The following SLC7A9 variants were observed in gnomAD, a reference collection of about 807,000 sequenced individuals.
The protein encoded by SLC7A9 is B(0,+)-type amino acid transporter 1.
Under a neutral mutation model 54.1 loss-of-function variants are expected in SLC7A9, and 38 were observed. That is an observed-to-expected ratio of 0.70 (90% CI 0.54 to 0.92). The LOEUF (loss-of-function observed/expected upper bound fraction) is 0.92, where lower values mean the gene tolerates loss of function less well. Ranked by LOEUF, SLC7A9 falls within the 40% of genes least tolerant of loss-of-function variation. The pLI is 0.00. For missense variants in SLC7A9, 537 were observed against 636.1 expected (o/e 0.84, Z 1.68); for synonymous variants, 264 against 258.9 (o/e 1.02, Z -0.19).
At chr19:32,846,546 C>A (rs2145817673) in intron 9 of SLC7A9, among the ~76,000 whole-genome samples, 1 of 152,346 alleles carries the variant, frequency 6.6e-6, no homozygotes, top group South Asian at 2.1e-4. Flanking sequence ...GAGCCCACCA[C>A]AGCTCAAGGA....
chr19:32,860,287 T>C, intron 7 of SLC7A9: 3 of 1,394,500 alleles, frequency 2.2e-6, no homozygotes, highest in Non-Finnish European at 2.8e-6. Context: ...CCGGGTGCAG[T>C]GGCTCACACC....
intron 9 of SLC7A9, among the ~76,000 whole-genome samples, chr19:32,852,686 G>A (rs1016661549): frequency 6.6e-6 from 1 of 152,104 alleles, no homozygotes; most frequent in African/African-American, 2.4e-5. Flanking sequence ...GATGGGAGTT[G>A]ATTAATGGAA....
At chr19:32,868,245 A>G (rs1408501035) in intron 2 of SLC7A9, among the ~76,000 whole-genome samples, 1 of 151,666 alleles carries the variant, frequency 6.6e-6, no homozygotes, top group East Asian at 1.9e-4. Flanking sequence ...AAAAAAAAAA[A>G]AAAAAGAAGA....
chr19:32,846,892 C>T (rs1968314771), intron 9 of SLC7A9, among the ~76,000 whole-genome samples: 2 of 152,244 alleles, frequency 1.3e-5, no homozygotes, highest in African/African-American at 4.8e-5. Flanking sequence ...CACTGCTGTT[C>T]TGCAGCCACT....
At chr19:32,847,168 G>A (rs1302989701) in intron 9 of SLC7A9, among the ~76,000 whole-genome samples, 1 of 152,200 alleles carries the variant, frequency 6.6e-6, no homozygotes, top group East Asian at 1.9e-4. Context: ...CACCAGCAAT[G>A]GAACAAAGCT....
chr19:32,855,522 AC>A (rs1391877163), intron 9 of SLC7A9, among the ~76,000 whole-genome samples: 3 of 152,006 alleles, frequency 2.0e-5, no homozygotes, highest in South Asian at 2.1e-4. Flanking sequence ...ACACGGTGAA[AC>A]CCCATCTCTA....
chr19:32,844,415 T>C (rs1160262022), intron 9 of SLC7A9, among the ~76,000 whole-genome samples: 1 of 152,198 alleles, frequency 6.6e-6, no homozygotes, highest in Admixed American at 6.5e-5. Flanking sequence ...CTAGAACCTG[T>C]TCCTCCTGTC....
At chr19:32,866,242 G>T (rs560820941) in intron 2 of SLC7A9, among the ~76,000 whole-genome samples, 25 of 152,262 alleles carry the variant, frequency 1.6e-4, no homozygotes, top group African/African-American at 5.5e-4. Context: ...TCTGCTTTCA[G>T]GGCCAGGGCG....
At position 32,855,510 on chromosome 19, in the gene SLC7A9, A is replaced by C. The variant is rs8100742; in HGVS notation, c.977+2930T>G. ...GTCAGGAGATCAAGACCATCCTGGC[A>C]AACACGGTGAAACCCCATCTCTACT... is the stretch of plus-strand genomic sequence containing the variant. On this transcript the variant is annotated intron_variant, in intron 9 of 12. Coordinates refer to ENST00000023064, the MANE Select transcript of SLC7A9 (RefSeq NM_014270.5). Among the ~76,000 whole-genome samples the C allele has an allele frequency of 6.7e-4, 101 of 150,828 alleles. 1 individual carries two copies. Among genetic ancestry groups the C allele is most frequent in the South Asian group, 3.8e-3 (18 of 4,778 alleles).
At chr19:32,855,437 C>T (rs565778720) in intron 9 of SLC7A9, among the ~76,000 whole-genome samples, 33 of 152,286 alleles carry the variant, frequency 2.2e-4, no homozygotes, top group African/African-American at 5.8e-4. Flanking sequence ...CGGTGGCTCA[C>T]GCCTGTAATC....
rs568423783 is a variant in SLC7A9 at position 32,832,583 on chromosome 19, G to C, written c.1399+566C>G. Among the ~76,000 whole-genome samples the C allele has an allele frequency of 3.2e-3, 359 of 113,892 alleles. 2 individuals are homozygous for C. Among genetic ancestry groups the C allele is most frequent in the African/African-American group, 0.012 (348 of 29,112 alleles). 74.7% of individuals were successfully genotyped at this position (113,892 alleles called of 152,430 possible). On this transcript the variant is annotated intron_variant, in intron 12 of 12. Transcript: ENST00000023064. ...AGCCTGGGCAACAGAGTGAGACTGT[G>C]TCTCAAAAAAAAAAAAAAAAAGAAA... is the stretch of plus-strand genomic sequence containing the variant.
intron 9 of SLC7A9, among the ~76,000 whole-genome samples, chr19:32,851,168 A>G (rs1019189998): frequency 1.3e-5 from 2 of 152,212 alleles, no homozygotes; most frequent in Non-Finnish European, 2.9e-5. Context: ...GCCAAAATTG[A>G]CAAATGGGAT....
chr19:32,855,789 A>G (rs1347704271), intron 9 of SLC7A9, among the ~76,000 whole-genome samples: 2 of 152,160 alleles, frequency 1.3e-5, no homozygotes, highest in Non-Finnish European at 2.9e-5. Flanking sequence ...ACACAGCACA[A>G]GCACCATCCT....
At position 32,830,686 on chromosome 19, in the gene SLC7A9, T is replaced by C. The variant is rs2145788754; in HGVS notation, c.1400-2A>G. 67 of 1,613,508 alleles carry C rather than the reference T, an allele frequency of 4.2e-5. No homozygotes were observed. The highest frequency in any genetic ancestry group is 5.7e-5 in the Non-Finnish European group (67 of 1,179,414). On this transcript the variant is annotated splice_acceptor_variant, in intron 12 of 12. Coordinates refer to ENST00000023064, the MANE Select transcript of SLC7A9 (RefSeq NM_014270.5). LOFTEE classifies it high-confidence loss of function. ...TCTGAAGGTGCATGGTAATCGGCTC[T>C]GAAATAAGAGTCAAAAATGAGTACA...
intron 11 of SLC7A9, 47 bp downstream of exon 11, chr19:32,842,121 C>T: frequency 6.3e-7 from 1 of 1,592,780 alleles, no homozygotes; most frequent in Non-Finnish European, 8.6e-7. Context: ...ACATCTAATT[C>T]ATTAAAAAAT....
At chr19:32,842,539 G>A (rs138725925) in intron 10 of SLC7A9, among the ~76,000 whole-genome samples, 1 of 152,298 alleles carries the variant, frequency 6.6e-6, no homozygotes, top group African/African-American at 2.4e-5. Context: ...CTTTGAGGTT[G>A]TGATTTTAAG....
intron 11 of SLC7A9, among the ~76,000 whole-genome samples, chr19:32,839,391 A>G (rs1968065526): frequency 6.6e-6 from 1 of 152,032 alleles, no homozygotes; most frequent in East Asian, 1.9e-4. Flanking sequence ...TGTCTCTACT[A>G]AAAATATAAA....
chr19:32,857,443 CAA>C (rs2145835035), intron 9 of SLC7A9, among the ~76,000 whole-genome samples: 1 of 151,522 alleles, frequency 6.6e-6, no homozygotes, highest in African/African-American at 2.4e-5. Flanking sequence ...GACCTTGCCT[CAA>C]AATTAATTAG....
chr19:32,866,702 G>T (rs768434803), intron 2 of SLC7A9, among the ~76,000 whole-genome samples: 5 of 152,198 alleles, frequency 3.3e-5, no homozygotes, highest in Non-Finnish European at 7.3e-5. Flanking sequence ...GGCAGAGAGG[G>T]AAAGTGCTGC....
Sources: allele counts gnomAD v4.1 joint callset (sites outside exome capture counted in the v4.1 genomes callset), GRCh38; gene constraint gnomAD v4.1.1; transcripts MANE v1.5; gene names NCBI Gene and HGNC (gene_info 2026-07-23, HGNC 2026-07-21).